Variants in SLC43A2 observed in about 807,000 individuals in gnomAD.
SLC43A2 encodes the protein large neutral amino acids transporter small subunit 4.
SLC43A2 carries 38 observed loss-of-function variants against 63.2 expected under a neutral mutation model. The observed-to-expected ratio is 0.60, with a 90% CI of 0.46 to 0.79. SLC43A2 has a LOEUF of 0.79. Among genes scored for constraint, SLC43A2 ranks in the 30% least tolerant of loss-of-function variants. SLC43A2 has a pLI of 0.00. For missense variants in SLC43A2, 644 were observed against 756.2 expected, an observed-to-expected ratio of 0.85 and a Z score of 1.74; for synonymous variants, 322 against 331.0, an observed-to-expected ratio of 0.97 and a Z score of 0.30.
At chr17:1,594,179 C>T (rs1017037499) in intron 5 of SLC43A2, among the ~76,000 whole-genome samples, 4 of 152,282 alleles carry the variant, frequency 2.6e-5, no homozygotes, top group East Asian at 1.9e-4. Flanking sequence ...ACAGGATGTT[C>T]GGCCCGAGCA....
Position 1,595,237 on chromosome 17 carries a change from C to A in SLC43A2, c.502-1958G>T, listed in dbSNP as rs1452163998. 3.3e-5 allele frequency among the ~76,000 whole-genome samples: 5 copies of A among 151,552 alleles called. No homozygotes were observed. In the East Asian group the frequency reaches 9.8e-4, roughly 30 times the overall value. On this transcript the variant is annotated intron_variant, in intron 5 of 13. Coordinates refer to ENST00000301335, the MANE Select transcript of SLC43A2 (RefSeq NM_152346.3). Reference sequence around the variant, plus strand: ...CGGAGCTTGCAGTGAGCCGACACTGCGCCACTGCACTCCAGCCTGGGTGAC... The same window carrying A: ...CGGAGCTTGCAGTGAGCCGACACTGAGCCACTGCACTCCAGCCTGGGTGAC...
At chr17:1,613,942 GT>G (rs1426529254) in intron 4 of SLC43A2, among the ~76,000 whole-genome samples, 1 of 151,960 alleles carries the variant, frequency 6.6e-6, no homozygotes. Context: ...CTAAAAAAAA[GT>G]TAAAAATTAG....
In SLC43A2 at chr17:1,578,308, G is replaced by A. The variant is rs746314480; in HGVS notation, c.1366C>T (p.Leu456=). The A allele has an allele frequency of 4.3e-6, 7 of 1,613,848 alleles. No homozygotes were observed. The highest frequency in any genetic ancestry group is 5.9e-6 in the Non-Finnish European group (7 of 1,179,992). Residue 456 remains leucine, a synonymous_variant, in exon 12 of 14, where the codon CTG becomes TTG. Transcript: ENST00000301335. The surrounding 1 kb of genome is among the most constrained non-coding windows in gnomAD (Gnocchi z 6.5). ...ATGAATCCTCGCACGATTGTGTGCA[G>A]GATGAAGGAGAGGATCTGGGGGAGG... ...NLPLQILSFI[L]HTIVRGFIHS... is the part of the protein sequence containing the mutation.
At chr17:1,591,504 C>G (rs756392340) in intron 7 of SLC43A2, 33 bp from the exon 8 acceptor site, 9 of 1,611,524 alleles carry the variant, frequency 5.6e-6, no homozygotes, top group Non-Finnish European at 7.6e-6. Context: ...GTGGGTGCTG[C>G]CCGGGACCCC....
intron 5 of SLC43A2, among the ~76,000 whole-genome samples, chr17:1,611,118 A>T (rs1555543435): frequency 6.7e-6 from 1 of 149,804 alleles, no homozygotes; most frequent in Non-Finnish European, 1.5e-5. Flanking sequence ...TGCTGGGATT[A>T]CAGGTGTGAG....
chr17:1,580,418 C>A (rs929452681), intron 11 of SLC43A2, among the ~76,000 whole-genome samples: 1 of 152,246 alleles, frequency 6.6e-6, no homozygotes, highest in African/African-American at 2.4e-5. Flanking sequence ...ACCACGGCCT[C>A]GAGCTGCCTT....
Position 1,591,279 on chromosome 17 carries a change from C to T in SLC43A2, c.921G>A (p.Pro307=), listed in dbSNP as rs758922028. 27 of 1,604,066 alleles carry T rather than the reference C, an allele frequency of 1.7e-5. No homozygotes were observed. The highest frequency in any genetic ancestry group is 1.9e-5 in the Non-Finnish European group (22 of 1,179,884). ...STVDLEVKCQ[P]DAAVAPSFMH... ...GTCTCAGGCGGGTACCTGCGGCATC[C>T]GGCTGGCACTTCACCTCCAGGTCGA... Residue 307 remains proline, a synonymous_variant, in exon 8 of 14, where the codon CCG becomes CCA. Transcript: ENST00000301335.
chr17:1,586,931 C>CCCCCCCCCCCCCCCT, intron 9 of SLC43A2: 1 of 986,030 alleles, frequency 1.0e-6, no homozygotes, highest in Non-Finnish European at 1.5e-6. Context: ...CTGACAATCC[C>CCCCCCCCCCCCCCCT]CCCCACCCCC....
At chr17:1,587,494 G>T (rs538450391) in intron 9 of SLC43A2, among the ~76,000 whole-genome samples, 1 of 152,276 alleles carries the variant, frequency 6.6e-6, no homozygotes, top group African/African-American at 2.4e-5. Context: ...CAAGAAACGG[G>T]GACCATGCCT....
At chr17:1,607,307 C>T (rs375479613) in intron 5 of SLC43A2, among the ~76,000 whole-genome samples, 19 of 152,318 alleles carry the variant, frequency 1.2e-4, no homozygotes, top group Admixed American at 8.5e-4. Flanking sequence ...CTGAGCTTGG[C>T]GTCTCTGGGA....
intron 10 of SLC43A2, among the ~76,000 whole-genome samples, chr17:1,584,021 G>A (rs892634471): frequency 2.6e-5 from 4 of 151,602 alleles, no homozygotes; most frequent in African/African-American, 4.9e-5. Flanking sequence ...TCAGCCTCCC[G>A]AGTAGCTGGG....
intron 8 of SLC43A2, 30 bp downstream of exon 8, chr17:1,591,239 C>T (rs778878045): frequency 3.1e-5 from 50 of 1,597,236 alleles, no homozygotes; most frequent in African/African-American, 9.3e-5. Flanking sequence ...ACTCCCTGCC[C>T]GTCGCCCGGC....
chr17:1,614,444 AAAAC>A (rs2151073213), intron 4 of SLC43A2, among the ~76,000 whole-genome samples: 1 of 122,818 alleles, frequency 8.1e-6, no homozygotes, highest in Non-Finnish European at 1.9e-5. Context: ...CAACAACAAA[AAAAC>A]AAACAGCAGC....
rs944455107 is a variant in SLC43A2 at position 1,605,036 on chromosome 17, C to T, written c.501+8159G>A. 75 of 1,418,000 alleles carry T rather than the reference C, an allele frequency of 5.3e-5. No homozygotes were observed. The African/African-American group carries it at 1.0e-3, about 19-fold the overall frequency. 87.8% of individuals were successfully genotyped at this position (1,418,000 alleles called of 1,614,324 possible). A position where few individuals can be genotyped will look rare whatever the true frequency, so the allele number is the denominator to read the frequency against. On this transcript the variant is annotated intron_variant, in intron 5 of 13. Transcript: ENST00000301335. The surrounding 1 kb of genome is among the most constrained non-coding windows in gnomAD (Gnocchi z 4.9). ...AGGAGGGGAAGGACCAGCTTTGCTG[C>T]CAAGCAGGAAGCCGGAGCTGTTTCC...
rs576322595 is a variant in SLC43A2, at chr17:1,581,235, G to A, written c.1350+1969C>T. Among the ~76,000 whole-genome samples the A allele has an allele frequency of 2.1e-3, 73 of 34,712 alleles. No individual in the cohort carries two copies. The Middle Eastern group carries it at 0.086, about 41-fold the overall frequency. The allele number at this position is 34,712 out of a possible 152,430, so 22.8% of individuals were successfully genotyped here. ...ACACACACACACGCACGCTGTGCAGGCCTCCCCACCTCAAATGCCTTGTTG... is the reference window on the plus strand; with the variant it reads ...ACACACACACACGCACGCTGTGCAGACCTCCCCACCTCAAATGCCTTGTTG... On this transcript the variant is annotated intron_variant, in intron 11 of 13. Transcript: ENST00000301335.
At chr17:1,592,662 G>C (rs745996797) in intron 6 of SLC43A2, among the ~76,000 whole-genome samples, 38 of 152,296 alleles carry the variant, frequency 2.5e-4, no homozygotes, top group South Asian at 8.3e-4. Flanking sequence ...AGCCCCTACG[G>C]GGCCCTGGCA....
At chr17:1,628,013 G>C in intron 1 of SLC43A2, 93 bp from the exon 2 acceptor site, 1 of 1,183,552 alleles carries the variant, frequency 8.4e-7, no homozygotes, top group Admixed American at 4.4e-5. Context: ...GCTCGGGATT[G>C]CCACCCCTCC....
rs1015158957 is a variant in SLC43A2 at position 1,585,902 on chromosome 17, T to G, written c.1217+11A>C. 1 of 1,613,676 alleles carries G rather than the reference T, an allele frequency of 6.2e-7. No homozygotes were observed. The highest frequency in any genetic ancestry group is 1.7e-5 in the Admixed American group (1 of 60,022). On this transcript the variant is annotated intron_variant, in intron 10 of 13. Transcript: ENST00000301335. ...GGGCTGGGAGCCGGGGCACCGGCCC[T>G]GCCTACGCACTGGTTGGCGTCTTTC...
In SLC43A2 at chr17:1,569,732, C is replaced by T. The variant is rs1350458371; in HGVS notation, c.*5872G>A. ...ACCTCACTCAGCAGAAACTTGTCCA[C>T]CAGTGATTGATTATCTCGAGCAGCT... On this transcript the variant is annotated 3_prime_UTR_variant, in exon 14 of 14. Transcript: ENST00000301335. 1.3e-5 allele frequency: 2 copies of T among 152,376 alleles called. No homozygotes were observed. The highest frequency in any genetic ancestry group is 1.5e-5 in the Non-Finnish European group (1 of 68,048). 9.4% of individuals were successfully genotyped at this position (152,376 alleles called of 1,614,324 possible).
Sources: gnomAD v4.1 joint callset for allele counts (sites outside exome capture counted in the v4.1 genomes callset) on GRCh38, gnomAD v4.1.1 for gene constraint, Gnocchi (gnomAD v3.1) non-coding constraint, MANE v1.5 for transcripts, NCBI Gene and HGNC (gene_info 2026-07-23, HGNC 2026-07-21) for gene names.